FAAH2: variants seen among roughly 807,000 people sequenced by gnomAD.
FAAH2 encodes the protein fatty acid amide hydrolase 2, also known as fatty-acid amide hydrolase 2.
In FAAH2, 60 loss-of-function variants were observed where a neutral mutation model predicts 36.9. The ratio of observed to expected loss-of-function variants is 1.63; its 90% CI spans 1.32 to 2.02. FAAH2 has a LOEUF of 2.02. FAAH2 is among the 30% of genes most tolerant of loss of function. The pLI is 0.00. For missense variants in FAAH2, 689 were observed against 397.5 expected (o/e 1.73, Z -6.23); for synonymous variants, 214 against 143.8 (o/e 1.49, Z -3.49).
chrX:57,413,034 G>T (rs770319635), intron 7 of FAAH2, among the ~76,000 whole-genome samples: 61 of 112,360 alleles, frequency 5.4e-4, no homozygotes, highest in African/African-American at 1.8e-3. Context: ...CTAGTGAGAA[G>T]TGTCTGTTTA....
the FAAH2 span, among the ~76,000 whole-genome samples, chrX:57,265,640 A>G: frequency 8.9e-6 from 1 of 111,859 alleles, no homozygotes; most frequent in Non-Finnish European, 1.9e-5. Context: ...ACTCCCAACC[A>G]AGGCCTGCAG....
chrX:57,299,379 G>A (rs2052261726), intron 2 of FAAH2, among the ~76,000 whole-genome samples: 1 of 111,871 alleles, frequency 8.9e-6, no homozygotes, highest in African/African-American at 3.2e-5. Context: ...AATAGATGCA[G>A]AAAAGGCCTT....
At chrX:57,125,127 T>C in the FAAH2 span, among the ~76,000 whole-genome samples, 3 of 112,813 alleles carry the variant, frequency 2.7e-5, no homozygotes, top group East Asian at 2.8e-4. Flanking sequence ...TTCAGTATGA[T>C]ATTGGCTGTG....
intron 1 of FAAH2, chrX:57,290,435 A>G (rs1331054024): frequency 4.5e-6 from 1 of 223,796 alleles, no homozygotes; most frequent in Non-Finnish European, 6.4e-6. Flanking sequence ...TACTAGACGC[A>G]TAATTCTAAA....
At chrX:57,332,002 G>A (rs2053421231) in intron 4 of FAAH2, among the ~76,000 whole-genome samples, 195 bp downstream of exon 4, 1 of 111,807 alleles carries the variant, frequency 8.9e-6, no homozygotes, top group African/African-American at 3.2e-5. Flanking sequence ...TTTGAAGATA[G>A]ATAGAGGAGA....
chrX:57,432,310 A>T lies in FAAH2; in HGVS notation c.1116+273A>T, dbSNP rs907789287. 2.7e-5 allele frequency among the ~76,000 whole-genome samples: 3 copies of T among 111,384 alleles called. 1 individual carries two copies. The highest frequency in any genetic ancestry group is 5.7e-5 in the Non-Finnish European group (3 of 52,968). ...CTCCCAAATCTTGAATGATTTGGAA[A>T]CCTTAACCAGGTAGAGAAGAGATAA... On this transcript the variant is annotated intron_variant, in intron 8 of 10. Coordinates refer to ENST00000374900, the MANE Select transcript of FAAH2 (RefSeq NM_174912.4).
chrX:57,349,772 C>T (rs748738821), intron 5 of FAAH2, among the ~76,000 whole-genome samples: 1 of 108,241 alleles, frequency 9.2e-6, no homozygotes, highest in South Asian at 3.9e-4. Context: ...CAACATAAAT[C>T]AACTGAATAT....
intron 7 of FAAH2, among the ~76,000 whole-genome samples, chrX:57,407,504 C>T (rs1462392345): frequency 8.9e-6 from 1 of 112,122 alleles, no homozygotes; most frequent in African/African-American, 3.2e-5. Flanking sequence ...CCATGGAACT[C>T]CAAGCTTTTT....
At chrX:57,170,797 C>T in the FAAH2 span, among the ~76,000 whole-genome samples, 4 of 110,088 alleles carry the variant, frequency 3.6e-5, no homozygotes, top group East Asian at 2.8e-4. Flanking sequence ...CTCCATCTCC[C>T]GGGTTTAAGC....
At chrX:57,227,715 G>T in the FAAH2 span, among the ~76,000 whole-genome samples, 2 of 111,411 alleles carry the variant, frequency 1.8e-5, no homozygotes, top group African/African-American at 3.3e-5. Context: ...AACTCCCAAG[G>T]TTATATGTCC....
chrX:57,270,583 C>T, the FAAH2 span, among the ~76,000 whole-genome samples: 111 of 111,658 alleles, frequency 9.9e-4, no homozygotes, highest in African/African-American at 2.9e-3. Flanking sequence ...CAGTTCCCAG[C>T]GAGATCGATG....
intron 2 of FAAH2, among the ~76,000 whole-genome samples, chrX:57,295,876 G>C (rs1177814755): frequency 8.9e-6 from 1 of 112,495 alleles, no homozygotes; most frequent in Non-Finnish European, 1.9e-5. Context: ...AGCAGTCTGA[G>C]ATCAAACTGC....
chrX:57,306,988 C>CAGATATATATATATAT (rs1339824539), intron 2 of FAAH2, among the ~76,000 whole-genome samples: 17 of 10,227 alleles, frequency 1.7e-3, no homozygotes, highest in African/African-American at 1.8e-3. Context: ...CACACACACA[C>CAGATATATATATATAT]ACACAGATAC....
chrX:57,181,803 C>T, the FAAH2 span, among the ~76,000 whole-genome samples: 1 of 111,643 alleles, frequency 9.0e-6, no homozygotes, highest in Non-Finnish European at 1.9e-5. Flanking sequence ...AAAGCTGGAG[C>T]ATGATGCTAC....
chrX:57,399,291 C>T (rs1031438987), intron 7 of FAAH2, among the ~76,000 whole-genome samples: 3 of 111,609 alleles, frequency 2.7e-5, no homozygotes, highest in Non-Finnish European at 5.6e-5. Flanking sequence ...TTTGAAAAGG[C>T]CTGGTCCAGT....
intron 10 of FAAH2, among the ~76,000 whole-genome samples, chrX:57,479,699 G>T (rs776841622): frequency 6.9e-4 from 77 of 111,380 alleles, no homozygotes; most frequent in African/African-American, 2.4e-3. Flanking sequence ...AGCATGAAGA[G>T]GTGTTGAATT....
In FAAH2 at chrX:57,378,343, C is replaced by T. The variant is rs185378764; in HGVS notation, c.743-308C>T. Among the ~76,000 whole-genome samples the T allele has an allele frequency of 2.1e-3, 228 of 111,152 alleles. 2 individuals are homozygous for T. The highest frequency in any genetic ancestry group is 7.3e-3 in the African/African-American group (222 of 30,603). On this transcript the variant is annotated intron_variant, in intron 5 of 10. Coordinates refer to ENST00000374900, the MANE Select transcript of FAAH2 (RefSeq NM_174912.4). Reference sequence around the variant, plus strand: ...CTAGTCCTTTTCCATATAGGCTCTGCAGACCCTTAGAACCATCCCCAGAAA... The same window carrying T: ...CTAGTCCTTTTCCATATAGGCTCTGTAGACCCTTAGAACCATCCCCAGAAA...
chrX:57,472,083 A>T (rs1409923849), intron 10 of FAAH2, among the ~76,000 whole-genome samples: 1 of 112,244 alleles, frequency 8.9e-6, no homozygotes, highest in Non-Finnish European at 1.9e-5. Flanking sequence ...ACCTTATACA[A>T]AAATTAATTC....
chrX:57,137,472 C>G, the FAAH2 span: 1 of 385,290 alleles, frequency 2.6e-6, no homozygotes, highest in Non-Finnish European at 3.3e-6. Context: ...CCCTCAGCCA[C>G]GTTGGGCTGC....
Sources: allele counts gnomAD v4.1 joint callset (sites outside exome capture counted in the v4.1 genomes callset), GRCh38; gene constraint gnomAD v4.1.1; transcripts MANE v1.5; gene names NCBI Gene and HGNC (gene_info 2026-07-23, HGNC 2026-07-21).